The following CCDC97 variants were observed in gnomAD, a reference collection of about 807,000 sequenced individuals.
The protein encoded by CCDC97 is coiled-coil domain containing 97, also known as coiled-coil domain-containing protein 97.
CCDC97 carries 27 observed loss-of-function variants against 33.9 expected under a neutral mutation model. The ratio of observed to expected loss-of-function variants is 0.80; its 90% confidence interval spans 0.59 to 1.10. The LOEUF (loss-of-function observed/expected upper bound fraction) is 1.10, where lower values mean the gene tolerates loss of function less well. Ranked by LOEUF, CCDC97 falls within the 50% of genes least tolerant of loss-of-function variation. The pLI, the probability that CCDC97 is intolerant of heterozygous loss-of-function variation, is 0.00. For missense variants in CCDC97, 422 were observed against 476.6 expected (o/e 0.89, Z 1.07); for synonymous variants, 217 against 194.0 (o/e 1.12, Z -0.99).
intron 4 of CCDC97, among the ~76,000 whole-genome samples, chr19:41,321,606 T>C (rs2037825619): frequency 6.6e-6 from 1 of 152,042 alleles, no homozygotes; most frequent in Middle Eastern, 3.2e-3. Flanking sequence ...CACTTCATGG[T>C]GATGGGGCCA....
chr19:41,310,505 T>C lies in CCDC97; in HGVS notation c.46+149T>C. 7 of 1,467,088 alleles carry C rather than the reference T, an allele frequency of 4.8e-6. No individual in the cohort carries two copies. In the South Asian group the frequency reaches 9.4e-5, roughly 20 times the overall value. The allele number at this position is 1,467,088 out of a possible 1,614,324, so 90.9% of individuals were successfully genotyped here. ...GGTCCTCTTCACTACTTTGCCCAGATTATTCCCTCCCTTGTCGCGGGCTGA... is the reference window on the plus strand; with the variant it reads ...GGTCCTCTTCACTACTTTGCCCAGACTATTCCCTCCCTTGTCGCGGGCTGA... On this transcript the variant is annotated intron_variant, in intron 1 of 4. Coordinates refer to ENST00000269967, the MANE Select transcript of CCDC97 (RefSeq NM_052848.3).
In CCDC97 at chr19:41,319,784, T is replaced by TCGAG; in HGVS notation, c.714_715insGAGC (p.Gln239GlufsTer21). 6.2e-7 allele frequency: 1 copy of TCGAG among 1,612,098 alleles called. No individual in the cohort carries two copies. The highest frequency in any genetic ancestry group is 2.2e-5 in the East Asian group (1 of 44,862). ...GAGCGGGAGCTACAGCAGCGTCTGC[T>TCGAG]CCAACAGCAGGAGGAGGAGGAGGCC... On this transcript the variant is annotated frameshift_variant, in exon 3 of 5. Transcript: ENST00000269967. LOFTEE classifies it high-confidence loss of function.
At chr19:41,311,218 C>G (rs987828807) in intron 1 of CCDC97, among the ~76,000 whole-genome samples, 2 of 152,080 alleles carry the variant, frequency 1.3e-5, no homozygotes, top group Non-Finnish European at 2.9e-5. Flanking sequence ...GAAACCTGAT[C>G]TCTATAAACA....
In CCDC97 at chr19:41,320,388, G is replaced by A. The variant is rs368555031; in HGVS notation, c.829G>A (p.Glu277Lys). 2.2e-5 allele frequency: 35 copies of A among 1,614,050 alleles called. No homozygotes were observed. Among genetic ancestry groups the A allele is most frequent in the Non-Finnish European group, 6.8e-6 (8 of 1,180,030 alleles). ...DSEAWVPDSE[E>K]RLILREEFTS... ...GGAGGCCTGGGTTCCCGACTCGGAG[G>A]AGAGGCTGATCCTGCGAGAGGAGTT... Residue 277 changes from glutamate to lysine, a missense_variant, in exon 4 of 5, where the codon GAG (glutamate) becomes AAG (lysine). Coordinates refer to ENST00000269967, the MANE Select transcript of CCDC97 (RefSeq NM_052848.3).
At chr19:41,312,563 A>G (rs571789014) in intron 1 of CCDC97, among the ~76,000 whole-genome samples, 1 of 152,340 alleles carries the variant, frequency 6.6e-6, no homozygotes, top group East Asian at 1.9e-4. Context: ...ACAAAGTACT[A>G]CAAACTGCAT....
In CCDC97 at chr19:41,319,232, C is replaced by G. The variant is rs554550436; in HGVS notation, c.503-342C>G. Among the ~76,000 whole-genome samples, 118 of 152,356 alleles carry G rather than the reference C, an allele frequency of 7.7e-4. 3 individuals carry two copies. The South Asian group carries it at 0.024, about 31-fold the overall frequency. On this transcript the variant is annotated intron_variant, in intron 2 of 4. Coordinates refer to ENST00000269967, the MANE Select transcript of CCDC97 (RefSeq NM_052848.3). ...ACATGAATACACAGGAAGATAGAGG[C>G]CGGGCCACATACACACACTCAGGTG...
In CCDC97 at chr19:41,319,636, A is replaced by C; in HGVS notation, c.565A>C (p.Ile189Leu). Reference protein sequence around the residue: ...FRAPLLYEQYIGQYLTQEELS... With the variant: ...FRAPLLYEQYLGQYLTQEELS... ...GGCCCCCCTGCTATATGAGCAGTAC[A>C]TCGGGCAGTATCTCACCCAGGAGGA... is the stretch of plus-strand genomic sequence containing the variant. The change falls in exon 3 of 5, where the codon ATC (isoleucine) becomes CTC (leucine). Residue 189 changes from isoleucine to leucine, a missense_variant. By Grantham distance (5) the Ile-to-Leu change is conservative. Transcript: ENST00000269967. 1 of 1,614,030 alleles carries C rather than the reference A, an allele frequency of 6.2e-7. No individual in the cohort carries two copies. The highest frequency in any genetic ancestry group is 1.1e-5 in the South Asian group (1 of 91,070).
In CCDC97 at chr19:41,320,483, C is replaced by G. The variant is rs1258281399; in HGVS notation, c.911+13C>G. The G allele has an allele frequency of 1.2e-6, 2 of 1,613,628 alleles. No individual in the cohort carries two copies. The highest frequency in any genetic ancestry group is 1.7e-6 in the Non-Finnish European group (2 of 1,179,798). On this transcript the variant is annotated intron_variant, in intron 4 of 4. Coordinates refer to ENST00000269967, the MANE Select transcript of CCDC97 (RefSeq NM_052848.3). ...ACTTTGACTACAGGTGCTCCTGTGCCTCCACCTCCCCATCCCCCAGCCCAG... is the reference window on the plus strand; with the variant it reads ...ACTTTGACTACAGGTGCTCCTGTGCGTCCACCTCCCCATCCCCCAGCCCAG...
At chr19:41,314,699 C>G (rs1030900660) in intron 1 of CCDC97, among the ~76,000 whole-genome samples, 1 of 152,142 alleles carries the variant, frequency 6.6e-6, no homozygotes, top group Non-Finnish European at 1.5e-5. Flanking sequence ...TCTGAGCCTT[C>G]CATTTAAAAT....
At chr19:41,316,351 A>T (rs1568468685) in intron 1 of CCDC97, 33 bp from the exon 2 acceptor site, 1 of 1,557,640 alleles carries the variant, frequency 6.4e-7, no homozygotes, top group African/African-American at 1.4e-5. Flanking sequence ...CCACACTCCC[A>T]TCTCTGAACT....
intron 1 of CCDC97, chr19:41,311,057 G>A (rs1277685933): frequency 9.8e-6 from 2 of 204,514 alleles, no homozygotes; most frequent in African/African-American, 2.4e-5. Context: ...TTTTGTGTAT[G>A]TTTGAAATTT....
intron 4 of CCDC97, among the ~76,000 whole-genome samples, 182 bp from the exon 5 acceptor site, chr19:41,322,413 G>C (rs766873976): frequency 2.6e-5 from 4 of 152,176 alleles, no homozygotes; most frequent in Non-Finnish European, 4.4e-5. Flanking sequence ...TGCAAACTCT[G>C]ATTTGGAAAA....
chr19:41,322,342 T>G (rs1053859379), intron 4 of CCDC97, among the ~76,000 whole-genome samples: 1 of 152,250 alleles, frequency 6.6e-6, no homozygotes, highest in Non-Finnish European at 1.5e-5. Flanking sequence ...TCTTCCTGCC[T>G]TGGCCTCCCA....
intron 2 of CCDC97, among the ~76,000 whole-genome samples, chr19:41,317,429 GAA>G (rs1233973305): frequency 3.3e-5 from 5 of 152,152 alleles, no homozygotes; most frequent in South Asian, 2.1e-4. Flanking sequence ...GGTTCACAGA[GAA>G]AGAGAGAGAG....
intron 2 of CCDC97, among the ~76,000 whole-genome samples, 178 bp from the exon 3 acceptor site, chr19:41,319,396 A>G (rs552377097): frequency 2.6e-5 from 4 of 152,098 alleles, no homozygotes; most frequent in Admixed American, 2.0e-4. Context: ...AGGCGCCTGC[A>G]TGAGTACTCA....
chr19:41,313,504 A>G (rs564158890), intron 1 of CCDC97, among the ~76,000 whole-genome samples: 3 of 152,280 alleles, frequency 2.0e-5, no homozygotes, highest in East Asian at 3.9e-4. Context: ...CTTCAGCTGC[A>G]TCAGTGATTT....
chr19:41,319,470 CTG>C, intron 2 of CCDC97, 102 bp from the exon 3 acceptor site: 1 of 833,294 alleles, frequency 1.2e-6, no homozygotes, highest in Non-Finnish European at 1.9e-6. Context: ...CACACTTGGA[CTG>C]TGTATGCACA....
At chr19:41,319,989 C>T (rs1056349190) in intron 3 of CCDC97, 137 bp downstream of exon 3, 6 of 611,330 alleles carry the variant, frequency 9.8e-6, no homozygotes, top group African/African-American at 9.2e-5. Context: ...CAGCCTGACT[C>T]TCTGTGTATG....
intron 1 of CCDC97, among the ~76,000 whole-genome samples, chr19:41,315,039 C>T (rs934435419): frequency 4.0e-5 from 6 of 150,906 alleles, no homozygotes; most frequent in Non-Finnish European, 4.4e-5. Context: ...CAGTGGCTCA[C>T]GCCTGTAATC....
Sources: gnomAD v4.1 joint callset for allele counts (sites outside exome capture counted in the v4.1 genomes callset) on GRCh38, gnomAD v4.1.1 for gene constraint, MANE v1.5 for transcripts, NCBI Gene and HGNC (gene_info 2026-07-23, HGNC 2026-07-21) for gene names.